SPNS1: variants seen among roughly 807,000 people sequenced by gnomAD.
The protein encoded by SPNS1 is SPNS lysolipid transporter 1, lysophospholipid.
SPNS1 carries 22 observed loss-of-function variants against 50.3 expected under a neutral mutation model. The observed-to-expected ratio is 0.44, with a 90% CI of 0.31 to 0.62. The LOEUF is 0.62. SPNS1 is among the 20% of genes least tolerant of loss of function. The pLI is 0.07. For synonymous variants in SPNS1, 295 were observed against 317.4 expected (o/e 0.93, Z 0.75); for missense variants, 576 against 728.6 (o/e 0.79, Z 2.41).
chr16:28,982,898 G>A lies in SPNS1; in HGVS notation c.1197G>A (p.Trp399Ter). ...FIGETLLSMN[W>*]AIVADILLYV... The stretch of plus-strand genomic sequence containing the variant: ...GAGAGACCCTCCTGTCCATGAACTG[G>A]GCCATCGTGGCCGACATTCTGCTGG... The change falls in exon 9 of 12, where the codon TGG becomes TGA. Residue 399 changes from tryptophan (W) to a stop codon, truncating the protein, a stop_gained. Transcript: ENST00000311008. LOFTEE classifies it high-confidence loss of function. The A allele has an allele frequency of 6.2e-7, 1 of 1,613,838 alleles. No homozygotes were observed. Among genetic ancestry groups the A allele is most frequent in the Non-Finnish European group, 8.5e-7 (1 of 1,179,984 alleles).
At chr16:28,976,259 G>A (rs1169566920) in intron 2 of SPNS1, among the ~76,000 whole-genome samples, 2 of 152,172 alleles carry the variant, frequency 1.3e-5, no homozygotes, top group Non-Finnish European at 2.9e-5. Context: ...GTGACAGAGC[G>A]AGACTCCATC....
Position 28,975,083 on chromosome 16 carries a change from A to G in SPNS1, c.-69A>G. 4 of 1,438,424 alleles carry G rather than the reference A, an allele frequency of 2.8e-6. No homozygotes were observed. Among genetic ancestry groups the G allele is most frequent in the South Asian group, 1.4e-5 (1 of 69,170 alleles). The allele number at this position is 1,438,424 out of a possible 1,614,324, so 89.1% of individuals were successfully genotyped here. A position where few individuals can be genotyped will look rare whatever the true frequency, so the allele number is the denominator to read the frequency against. On this transcript the variant is annotated 5_prime_UTR_variant, in exon 1 of 12. Transcript: ENST00000311008. ...GTGTTCGGTCCATCCTCCTTTCTCC[A>G]GCCTCCTCCCCTCGCAGGTGGGATC...
At chr16:28,980,557 T>A (rs535091240) in intron 5 of SPNS1, 1 of 151,516 alleles carries the variant, frequency 6.6e-6, no homozygotes, top group African/African-American at 2.4e-5. Context: ...TGTAAAACTG[T>A]AAGCCCCCTA....
chr16:28,982,404 C>T lies in SPNS1; in HGVS notation c.1014C>T (p.Gly338=). 1 of 1,611,280 alleles carries T rather than the reference C, an allele frequency of 6.2e-7. No homozygotes were observed. The highest frequency in any genetic ancestry group is 8.5e-7 in the Non-Finnish European group (1 of 1,178,308). The change falls in exon 8 of 12, where the codon GGC becomes GGT. Residue 338 remains glycine, a synonymous_variant. Coordinates refer to ENST00000311008, the MANE Select transcript of SPNS1 (RefSeq NM_032038.3). ...ITCLTGVLGV[G]LGVEISRRLR... ...GCCTGACCGGAGTCCTGGGTGTGGG[C>T]CTGGGTGTGGAGATCAGCCGCCGGC...
In SPNS1 at chr16:28,981,549, G is replaced by A. The variant is rs755736016; in HGVS notation, c.743G>A (p.Arg248His). The A allele has an allele frequency of 8.7e-6, 14 of 1,614,024 alleles. No homozygotes were observed. The South Asian group carries it at 8.8e-5, about 10-fold the overall frequency. Reference protein sequence around the residue: ...VREPPRGAVERHSDLPPLNPT... With the variant: ...VREPPRGAVEHHSDLPPLNPT... ...GAGCCGCCAAGGGGAGCCGTGGAGC[G>A]CCACTCAGATTTGCCACCCCTGAAC... Residue 248 changes from arginine to histidine, a missense_variant, in exon 6 of 12, where the codon CGC (arginine) becomes CAC (histidine). Transcript: ENST00000311008. This position sits in a 1 kb window ranked among gnomAD's most constrained non-coding sequence, Gnocchi z 4.2.
In SPNS1 at chr16:28,981,664, G is replaced by C; in HGVS notation, c.809+49G>C. On this transcript the variant is annotated intron_variant, in intron 6 of 11. Transcript: ENST00000311008. This position sits in a 1 kb window ranked among gnomAD's most constrained non-coding sequence, Gnocchi z 4.2. ...CACCATCTGAGGCCCCCTGGCGTCT[G>C]GTTTGAGGTTTAAGTGGGGATGTTC... The C allele has an allele frequency of 6.3e-7, 1 of 1,598,754 alleles. No homozygotes were observed. Among genetic ancestry groups the C allele is most frequent in the Non-Finnish European group, 8.5e-7 (1 of 1,170,900 alleles).
chr16:28,980,853 C>T (rs559012441), intron 5 of SPNS1, among the ~76,000 whole-genome samples: 1 of 148,210 alleles, frequency 6.7e-6, no homozygotes, highest in Non-Finnish European at 1.5e-5. Flanking sequence ...GACTCTGTCT[C>T]GAAAACAAAC....
intron 3 of SPNS1, chr16:28,978,856 C>A: frequency 3.0e-6 from 1 of 338,638 alleles, no homozygotes; most frequent in Non-Finnish European, 5.4e-6. Flanking sequence ...TTTCCCCTAC[C>A]AGGCAAGCAG....
Position 28,981,730 on chromosome 16 carries a change from A to T in SPNS1, c.809+115A>T. 2 of 1,505,948 alleles carry T rather than the reference A, an allele frequency of 1.3e-6. No individual in the cohort carries two copies. Among genetic ancestry groups the T allele is most frequent in the Non-Finnish European group, 1.8e-6 (2 of 1,109,082 alleles). The allele number at this position is 1,505,948 out of a possible 1,614,324, so 93.3% of individuals were successfully genotyped here. A position where few individuals can be genotyped will look rare whatever the true frequency, so the allele number is the denominator to read the frequency against. ...CCCCAAGGCCAGTAATTCGGTCGATACTGTCCCCTTGTGGCAGCTGCTTGA... is the reference window on the plus strand; with the variant it reads ...CCCCAAGGCCAGTAATTCGGTCGATTCTGTCCCCTTGTGGCAGCTGCTTGA... On this transcript the variant is annotated intron_variant, in intron 6 of 11. Coordinates refer to ENST00000311008, the MANE Select transcript of SPNS1 (RefSeq NM_032038.3). The surrounding 1 kb of genome is among the most constrained non-coding windows in gnomAD (Gnocchi z 4.2).
In SPNS1 at chr16:28,981,506, C is replaced by T. The variant is rs776754521; in HGVS notation, c.700C>T (p.Leu234=). Residue 234 remains leucine (L), a synonymous_variant, in exon 6 of 12, where the codon CTG becomes TTG. Transcript: ENST00000311008. The surrounding 1 kb of genome is among the most constrained non-coding windows in gnomAD (Gnocchi z 4.2). The part of the protein sequence containing the change: ...PGLGVVAVLL[L]FLVVREPPRG... The stretch of plus-strand genomic sequence containing the variant: ...TCTAGGAGTGGTGGCCGTTCTGCTG[C>T]TGTTCCTGGTAGTGCGGGAGCCGCC... 3.7e-6 allele frequency: 6 copies of T among 1,614,154 alleles called. No homozygotes were observed. Among genetic ancestry groups the T allele is most frequent in the Middle Eastern group, 1.6e-4 (1 of 6,062 alleles).
rs1325745369 is a variant in SPNS1 at position 28,975,142 on chromosome 16, C to T, written c.-10C>T. 11 of 1,482,022 alleles carry T rather than the reference C, an allele frequency of 7.4e-6. No individual in the cohort carries two copies. Among genetic ancestry groups the T allele is most frequent in the Non-Finnish European group, 9.8e-6 (11 of 1,119,770 alleles). The allele number at this position is 1,482,022 out of a possible 1,614,324, so 91.8% of individuals were successfully genotyped here. ...GACCGGAGCGCGGGCGGGCGCGGCC[C>T]CCCGGGACCATGGCCGGGTCCGACA... is the stretch of plus-strand genomic sequence containing the variant. On this transcript the variant is annotated 5_prime_UTR_variant, in exon 1 of 12. Coordinates refer to ENST00000311008, the MANE Select transcript of SPNS1 (RefSeq NM_032038.3).
chr16:28,975,090 T>G lies in SPNS1; in HGVS notation c.-62T>G. 6.9e-7 allele frequency: 1 copy of G among 1,442,052 alleles called. No homozygotes were observed. The highest frequency in any genetic ancestry group is 9.1e-7 in the Non-Finnish European group (1 of 1,102,492). The allele number at this position is 1,442,052 out of a possible 1,614,324, so 89.3% of individuals were successfully genotyped here. ...GTCCATCCTCCTTTCTCCAGCCTCC[T>G]CCCCTCGCAGGTGGGATCGTCGGTG... On this transcript the variant is annotated 5_prime_UTR_variant, in exon 1 of 12. Transcript: ENST00000311008.
Position 28,981,627 on chromosome 16 carries a change from C to T in SPNS1, c.809+12C>T. 1 of 1,613,502 alleles carries T rather than the reference C, an allele frequency of 6.2e-7. No homozygotes were observed. Among genetic ancestry groups the T allele is most frequent in the Non-Finnish European group, 8.5e-7 (1 of 1,179,640 alleles). On this transcript the variant is annotated intron_variant, in intron 6 of 11. Transcript: ENST00000311008. This position sits in a 1 kb window ranked among gnomAD's most constrained non-coding sequence, Gnocchi z 4.2. ...GCTCTGGCAAGAAAGTGAGTTTATT[C>T]CCACCCTAGACCACCATCTGAGGCC... is the stretch of plus-strand genomic sequence containing the variant.
intron 11 of SPNS1, 116 bp downstream of exon 11, chr16:28,984,073 T>A: frequency 6.9e-7 from 1 of 1,442,332 alleles, no homozygotes; most frequent in African/African-American, 1.4e-5. Flanking sequence ...TTGTTTGGCC[T>A]CCAGTCTGTC....
Position 28,981,836 on chromosome 16 carries a change from G to A in SPNS1, c.810-65G>A. The A allele has an allele frequency of 1.3e-6, 2 of 1,591,222 alleles. No individual in the cohort carries two copies. Among genetic ancestry groups the A allele is most frequent in the Admixed American group, 1.7e-5 (1 of 59,818 alleles). ...ACTAAAATAAGCCAGGAAGGGAGAA[G>A]AGAGGTCCCCTCCTGCCTCGACACC... On this transcript the variant is annotated intron_variant, in intron 6 of 11. Coordinates refer to ENST00000311008, the MANE Select transcript of SPNS1 (RefSeq NM_032038.3). The surrounding 1 kb of genome is among the most constrained non-coding windows in gnomAD (Gnocchi z 4.2).
chr16:28,976,457 GTGATGA>G, intron 2 of SPNS1, among the ~76,000 whole-genome samples: 1 of 152,162 alleles, frequency 6.6e-6, no homozygotes, highest in Admixed American at 6.5e-5. Flanking sequence ...CCTGGAGGAA[GTGATGA>G]TTACACCTGT....
At chr16:28,976,547 C>G (rs1420941401) in intron 2 of SPNS1, among the ~76,000 whole-genome samples, 2 of 152,078 alleles carry the variant, frequency 1.3e-5, no homozygotes, top group Admixed American at 6.5e-5. Flanking sequence ...GTTACTGTTC[C>G]TATTTTATAG....
At chr16:28,978,129 G>A in intron 3 of SPNS1, 85 bp downstream of exon 3, 1 of 1,533,144 alleles carries the variant, frequency 6.5e-7, no homozygotes, top group Non-Finnish European at 8.8e-7. Context: ...ATGGCAGACT[G>A]GGCCTCAGGG....
intron 9 of SPNS1, 25 bp downstream of exon 9, chr16:28,982,947 T>C: frequency 6.2e-7 from 1 of 1,613,046 alleles, no homozygotes; most frequent in East Asian, 2.2e-5. Context: ...AGCTCCAGGG[T>C]CAGCGCAGAG....
Sources: gnomAD v4.1 joint callset for allele counts (sites outside exome capture counted in the v4.1 genomes callset) on GRCh38, gnomAD v4.1.1 for gene constraint, Gnocchi (gnomAD v3.1) non-coding constraint, MANE v1.5 for transcripts, NCBI Gene and HGNC (gene_info 2026-07-23, HGNC 2026-07-21) for gene names.